Variants in RNF19B observed in about 807,000 individuals in gnomAD.
RNF19B encodes the protein E3 ubiquitin-protein ligase RNF19B.
Under a neutral mutation model 65.5 loss-of-function variants are expected in RNF19B, and 23 were observed. The observed-to-expected ratio is 0.35, with a 90% CI of 0.25 to 0.50. The LOEUF is 0.50. Among genes scored for constraint, RNF19B ranks in the 20% least tolerant of loss-of-function variants. The probability of loss-of-function intolerance (pLI) is 0.98; values close to 1 mark genes in which losing one functional copy is unlikely to be tolerated. For synonymous variants in RNF19B, 372 were observed against 379.6 expected (o/e 0.98, Z 0.23); for missense variants, 794 against 980.0 (o/e 0.81, Z 2.53).
chr1:32,952,343 C>G (rs1269295515), intron 1 of RNF19B, among the ~76,000 whole-genome samples: 3 of 148,396 alleles, frequency 2.0e-5, no homozygotes, highest in East Asian at 2.0e-4. Context: ...CCTGTAATCT[C>G]AGCACTTTGG....
chr1:32,958,664 C>T (rs745334395), intron 1 of RNF19B, among the ~76,000 whole-genome samples: 15 of 151,508 alleles, frequency 9.9e-5, no homozygotes, highest in South Asian at 2.1e-4. Flanking sequence ...TGCAGTGAGC[C>T]GAGATTGCAC....
At chr1:32,963,317 G>A (rs1003648405) in intron 1 of RNF19B, among the ~76,000 whole-genome samples, 4 of 152,168 alleles carry the variant, frequency 2.6e-5, no homozygotes, top group Non-Finnish European at 5.9e-5. Flanking sequence ...GCAATGCTAA[G>A]TCTGTCCCTA....
intron 7 of RNF19B, among the ~76,000 whole-genome samples, chr1:32,939,870 T>C (rs993189884): frequency 1.3e-5 from 2 of 152,234 alleles, no homozygotes; most frequent in Non-Finnish European, 2.9e-5. Flanking sequence ...TCTCCAATTA[T>C]GTCTGTCTGC....
chr1:32,952,911 T>C (rs938666499), intron 1 of RNF19B, among the ~76,000 whole-genome samples: 1 of 149,180 alleles, frequency 6.7e-6, no homozygotes, highest in African/African-American at 2.5e-5. Flanking sequence ...AGATTCTGTC[T>C]AAAAAAAATA....
intron 7 of RNF19B, among the ~76,000 whole-genome samples, chr1:32,941,714 T>C (rs961393440): frequency 5.9e-5 from 9 of 151,992 alleles, no homozygotes; most frequent in Admixed American, 1.3e-4. Context: ...ATTCTTTATA[T>C]AGAGGCAGCT....
chr1:32,934,616 G>A (rs1642067887), downstream of RNF19B, among the ~76,000 whole-genome samples: 1 of 152,034 alleles, frequency 6.6e-6, no homozygotes, highest in Non-Finnish European at 1.5e-5. Context: ...GGGAGGCTGA[G>A]GTTGCAGTGT....
chr1:32,933,399 C>T (rs528843617), downstream of RNF19B, among the ~76,000 whole-genome samples: 10 of 152,154 alleles, frequency 6.6e-5, 1 homozygote, highest in Middle Eastern at 3.4e-3. Flanking sequence ...GGACTACAGG[C>T]GCCCACCACT....
At position 32,946,523 on chromosome 1, in the gene RNF19B, C is replaced by A; in HGVS notation, c.1025G>T (p.Arg342Leu). The change falls in exon 4 of 9, where the codon CGT (arginine) becomes CTT (leucine). Residue 342 changes from arginine (R) to leucine (L), a missense_variant. Arg to Leu is a moderately radical substitution (Grantham distance 102). Around this residue, in one of 3 missense-constraint regions of RNF19B, gnomAD observed 52 missense variants for 108.8 expected, o/e 0.48. Transcript: ENST00000235150. ...CTFWGKKPWS[R>L]KKKILWQLGT... ...CAGCTGCCAAAGAATTTTCTTCTTA[C>A]GGCTCCATGGCTTCTTGCCCCAGAA... 6.2e-7 allele frequency: 1 copy of A among 1,614,056 alleles called. No individual in the cohort carries two copies. Among genetic ancestry groups the A allele is most frequent in the Non-Finnish European group, 8.5e-7 (1 of 1,179,960 alleles).
chr1:32,961,687 C>A (rs898529660), intron 1 of RNF19B, among the ~76,000 whole-genome samples: 2 of 151,766 alleles, frequency 1.3e-5, no homozygotes, highest in Admixed American at 6.6e-5. Context: ...ATTCTTCTAA[C>A]TAATTAAAAA....
At position 32,947,868 on chromosome 1, in the gene RNF19B, T is replaced by G. The variant is rs548042594; in HGVS notation, c.983+354A>C. The stretch of plus-strand genomic sequence containing the variant: ...GCGGAAAAAGGAGAGGCAACATGGA[T>G]GAAAGGCATTTAAGTGGCTCTTAAA... On this transcript the variant is annotated intron_variant, in intron 3 of 8. Transcript: ENST00000235150. 2.6e-5 allele frequency among the ~76,000 whole-genome samples: 4 copies of G among 151,924 alleles called. No individual in the cohort carries two copies. In the East Asian group the frequency reaches 7.7e-4, roughly 29 times the overall value.
chr1:32,964,303 G>A lies in RNF19B; in HGVS notation c.383C>T (p.Pro128Leu). Residue 128 changes from proline (P) to leucine (L), a missense_variant, in exon 1 of 9, where the codon CCT becomes CTT. Coordinates refer to ENST00000235150, the MANE Select transcript of RNF19B (RefSeq NM_001300826.2). This position sits in a 1 kb window ranked among gnomAD's most constrained non-coding sequence, Gnocchi z 6.5. The stretch of plus-strand genomic sequence containing the variant: ...GCTGAGGAGGCGCGGGGCCCGCTCA[G>A]GCGGCAGCCGCACCAGGCACAGCGG... ...ECPLCLVRLP[P>L]ERAPRLLSCP... The A allele has an allele frequency of 1.3e-6, 2 of 1,517,098 alleles. No homozygotes were observed. The highest frequency in any genetic ancestry group is 1.8e-6 in the Non-Finnish European group (2 of 1,137,568). The allele number at this position is 1,517,098 out of a possible 1,614,324, so 94.0% of individuals were successfully genotyped here.
At chr1:32,947,526 G>A (rs1190271990) in intron 3 of RNF19B, among the ~76,000 whole-genome samples, 1 of 152,062 alleles carries the variant, frequency 6.6e-6, no homozygotes, top group Non-Finnish European at 1.5e-5. Context: ...GGGCATGGTG[G>A]CAGGTGCCTG....
In RNF19B at chr1:32,944,102, C is replaced by T; in HGVS notation, c.1319G>A (p.Cys440Tyr). ...YVYGVVPISLCRGGGCGVSTA... is the reference protein window; with the variant it reads ...YVYGVVPISLYRGGGCGVSTA... ...GCTAACTCCACAGCCGCCTCCACGA[C>T]AAAGAGAAATGGGCACAACCCCATA... The change falls in exon 6 of 9, where the codon TGT becomes TAT. Residue 440 changes from cysteine (C) to tyrosine (Y), a missense_variant. Cys to Tyr is a radical substitution (Grantham distance 194). Coordinates refer to ENST00000235150, the MANE Select transcript of RNF19B (RefSeq NM_001300826.2). The T allele has an allele frequency of 6.2e-7, 1 of 1,614,054 alleles. No homozygotes were observed. The highest frequency in any genetic ancestry group is 2.2e-5 in the East Asian group (1 of 44,876).
chr1:32,953,370 G>A (rs1642556706), intron 1 of RNF19B, among the ~76,000 whole-genome samples: 1 of 152,020 alleles, frequency 6.6e-6, no homozygotes, highest in Non-Finnish European at 1.5e-5. Flanking sequence ...AATATTCAAA[G>A]ACCTCAAATA....
chr1:32,949,531 A>T, intron 2 of RNF19B, 38 bp downstream of exon 2: 1 of 1,574,442 alleles, frequency 6.4e-7, no homozygotes, highest in Non-Finnish European at 8.7e-7. Context: ...ATCATGAAAT[A>T]CCAAATAAAG....
rs183131300 is a variant in RNF19B, at chr1:32,941,101, T to C, written c.1610+1151A>G. Among the ~76,000 whole-genome samples, 79 of 152,116 alleles carry C rather than the reference T, an allele frequency of 5.2e-4. No homozygotes were observed. The East Asian group carries it at 0.013, about 25-fold the overall frequency. ...TAGCTGGGTGTGGTGTGTGCACTTGTAGTCCTAGCTACTCAGGAGGCTGAG... is the reference window on the plus strand; with the variant it reads ...TAGCTGGGTGTGGTGTGTGCACTTGCAGTCCTAGCTACTCAGGAGGCTGAG... On this transcript the variant is annotated intron_variant, in intron 7 of 8. Coordinates refer to ENST00000235150, the MANE Select transcript of RNF19B (RefSeq NM_001300826.2).
In RNF19B at chr1:32,936,933, T is replaced by G. The variant is rs1642117954; in HGVS notation, c.2069A>C (p.His690Pro). 1 of 1,613,916 alleles carries G rather than the reference T, an allele frequency of 6.2e-7. No homozygotes were observed. The highest frequency in any genetic ancestry group is 8.5e-7 in the Non-Finnish European group (1 of 1,179,962). Reference protein sequence around the residue: ...TSDECGSPRSHTAACPSTPRA... With the variant: ...TSDECGSPRSPTAACPSTPRA... Reference sequence around the variant, plus strand: ...GGGGGTCGAGGGGCAGGCTGCAGTATGGGAGCGGGGGGAGCCACACTCATC... The same window carrying G: ...GGGGGTCGAGGGGCAGGCTGCAGTAGGGGAGCGGGGGGAGCCACACTCATC... The change falls in exon 9 of 9, where the codon CAT becomes CCT. Residue 690 changes from histidine to proline, a missense_variant. Transcript: ENST00000235150.
chr1:32,930,958 T>C, the RNF19B span, among the ~76,000 whole-genome samples: 6 of 152,186 alleles, frequency 3.9e-5, no homozygotes, highest in African/African-American at 1.4e-4. Flanking sequence ...TGTGCTGGCA[T>C]GAGCCTGTAA....
Position 32,938,421 on chromosome 1 carries a change from A to G in RNF19B, c.1718T>C (p.Ile573Thr). The change falls in exon 8 of 9, where the codon ATC (isoleucine) becomes ACC (threonine). Residue 573 changes from isoleucine (I) to threonine (T), a missense_variant. Physicochemically the swap from Ile to Thr is moderately conservative, Grantham distance 89 (BLOSUM62 -1). Transcript: ENST00000235150. ...CCTGTCCTGTGGGTTGTAGGAACTG[A>G]TTATGGAACCGGCCATAGCACGAGT... ...ASTRAMAGSI[I>T]SSYNPQDREC... 1 of 1,614,216 alleles carries G rather than the reference A, an allele frequency of 6.2e-7. No individual in the cohort carries two copies. Among genetic ancestry groups the G allele is most frequent in the African/African-American group, 1.3e-5 (1 of 75,056 alleles).
Sources: allele counts gnomAD v4.1 joint callset (sites outside exome capture counted in the v4.1 genomes callset), GRCh38; gene constraint gnomAD v4.1.1; regional missense constraint gnomAD v4.1.1; non-coding constraint Gnocchi (gnomAD v3.1); transcripts MANE v1.5; gene names NCBI Gene and HGNC (gene_info 2026-07-23, HGNC 2026-07-21).